DUSP22: variants seen among roughly 807,000 people sequenced by gnomAD.
The protein encoded by DUSP22 is dual specificity phosphatase 22.
DUSP22 carries 24 observed loss-of-function variants against 24.5 expected under a neutral mutation model. The observed-to-expected ratio is 0.98, with a 90% CI of 0.71 to 1.38. DUSP22 has a LOEUF of 1.38. Among genes scored for constraint, DUSP22 ranks in the 40% most tolerant of loss-of-function variants. The pLI, the probability that DUSP22 is intolerant of heterozygous loss-of-function variation, is 0.00. For synonymous variants in DUSP22, 160 were observed against 106.4 expected, an observed-to-expected ratio of 1.50 and a Z score of -3.10; for missense variants, 330 against 269.2, an observed-to-expected ratio of 1.23 and a Z score of -1.58.
intron 1 of DUSP22, among the ~76,000 whole-genome samples, chr6:297,758 A>G (rs1264417322): frequency 6.6e-6 from 1 of 152,304 alleles, no homozygotes; most frequent in Admixed American, 6.5e-5. Flanking sequence ...AAGGTGGAGT[A>G]GGGCTTACAG....
chr6:333,131 A>G (rs1437552276), intron 3 of DUSP22, among the ~76,000 whole-genome samples: 5 of 152,306 alleles, frequency 3.3e-5, no homozygotes, highest in African/African-American at 9.6e-5. Flanking sequence ...AGGTTTGAAG[A>G]TACTTTCAGT....
At chr6:301,205 C>G (rs866105458) in intron 1 of DUSP22, among the ~76,000 whole-genome samples, 127 of 152,302 alleles carry the variant, frequency 8.3e-4, no homozygotes, top group African/African-American at 3.0e-3. Flanking sequence ...GACTGGAAAA[C>G]CAATAAGATA....
chr6:307,328 C>T (rs1406608926), intron 2 of DUSP22, among the ~76,000 whole-genome samples: 1 of 152,276 alleles, frequency 6.6e-6, no homozygotes, highest in African/African-American at 2.4e-5. Flanking sequence ...CCACTTCTCT[C>T]CCTCCCTCCC....
intron 4 of DUSP22, among the ~76,000 whole-genome samples, chr6:341,790 CGG>C (rs1388773286): frequency 6.6e-6 from 1 of 152,418 alleles, no homozygotes; most frequent in East Asian, 1.9e-4. Flanking sequence ...AAAGAGCTAC[CGG>C]GGGGTGGTGG....
intron 4 of DUSP22, 99 bp from the exon 5 acceptor site, chr6:345,755 C>A (rs1379782918): frequency 7.0e-7 from 1 of 1,436,910 alleles, no homozygotes; most frequent in South Asian, 1.2e-5. Flanking sequence ...ACAAAAAAAT[C>A]AATTAACATT....
chr6:300,134 A>T (rs1757513938), intron 1 of DUSP22, among the ~76,000 whole-genome samples: 1 of 152,306 alleles, frequency 6.6e-6, no homozygotes, highest in Non-Finnish European at 1.5e-5. Context: ...AGTGGTTTTT[A>T]AAATTTAATT....
Position 348,085 on chromosome 6 carries a change from C to T in DUSP22, c.264-18C>T, listed in dbSNP as rs1477306877. ...ATCTGAAACTGCCCTCACACATGTG[C>T]TTCTCTTGGCCCCGCAGCCTGGCCG... On this transcript the variant is annotated intron_variant, in intron 5 of 6. Transcript: ENST00000419235. The T allele has an allele frequency of 1.2e-6, 2 of 1,613,628 alleles. No homozygotes were observed. The highest frequency in any genetic ancestry group is 1.3e-5 in the African/African-American group (1 of 75,086).
intron 3 of DUSP22, among the ~76,000 whole-genome samples, chr6:317,922 T>C (rs892122021): frequency 6.6e-6 from 1 of 152,290 alleles, no homozygotes; most frequent in Admixed American, 6.5e-5. Flanking sequence ...CTTTGGCCCC[T>C]TGTGGCTCAT....
chr6:303,274 TG>T (rs1454373044), intron 1 of DUSP22, among the ~76,000 whole-genome samples: 1 of 152,308 alleles, frequency 6.6e-6, no homozygotes, highest in Non-Finnish European at 1.5e-5. Flanking sequence ...AAGTATAGAC[TG>T]TTGTCTCGGA....
chr6:297,634 G>T (rs546352426), intron 1 of DUSP22, among the ~76,000 whole-genome samples: 1 of 152,298 alleles, frequency 6.6e-6, no homozygotes, highest in Admixed American at 6.5e-5. Flanking sequence ...TGTCCCTGAT[G>T]TTGGCAGATA....
At chr6:336,160 G>A (rs941833834) in intron 4 of DUSP22, among the ~76,000 whole-genome samples, 2 of 152,300 alleles carry the variant, frequency 1.3e-5, no homozygotes, top group Admixed American at 6.5e-5. Flanking sequence ...TGAAAGGCTG[G>A]GGCTGGAAGT....
chr6:321,327 A>G (rs1758579006), intron 3 of DUSP22, among the ~76,000 whole-genome samples: 1 of 152,306 alleles, frequency 6.6e-6, no homozygotes, highest in Non-Finnish European at 1.5e-5. Flanking sequence ...GTGGAGTCTG[A>G]ACTTCATCTT....
Position 349,948 on chromosome 6 carries a change from GCTC to G in DUSP22, c.*1004_*1006del, listed in dbSNP as rs1341357202. On this transcript the variant is annotated 3_prime_UTR_variant, in exon 7 of 7. Transcript: ENST00000419235. ...CTCTCGCTGTCCTCACTTTGCAGGG[GCTC>G]CTCCTCAACATTTGCATGCACCTGC... 4.1e-6 allele frequency: 4 copies of G among 985,700 alleles called. No individual in the cohort carries two copies. The highest frequency in any genetic ancestry group is 6.1e-5 in the Admixed American group (1 of 16,278). The allele number at this position is 985,700 out of a possible 1,614,324, so 61.1% of individuals were successfully genotyped here. A position where few individuals can be genotyped will look rare whatever the true frequency, so the allele number is the denominator to read the frequency against.
intron 3 of DUSP22, among the ~76,000 whole-genome samples, chr6:332,134 C>T (rs1300321633): frequency 1.3e-5 from 2 of 152,308 alleles, no homozygotes; most frequent in African/African-American, 4.8e-5. Flanking sequence ...TCAGTGAGTG[C>T]CTGCTGTGTG....
chr6:303,271 G>A (rs1561649067), intron 1 of DUSP22, among the ~76,000 whole-genome samples: 1 of 152,306 alleles, frequency 6.6e-6, no homozygotes, highest in Non-Finnish European at 1.5e-5. Flanking sequence ...ATAAAGTATA[G>A]ACTGTTGTCT....
At chr6:293,424 G>A (rs1470472152) in intron 1 of DUSP22, among the ~76,000 whole-genome samples, 9 of 152,404 alleles carry the variant, frequency 5.9e-5, no homozygotes, top group Admixed American at 3.9e-4. Flanking sequence ...TACAAAGCCC[G>A]CAACAAAGAC....
At chr6:322,326 A>ACAT (rs1435902681) in intron 3 of DUSP22, among the ~76,000 whole-genome samples, 2 of 152,306 alleles carry the variant, frequency 1.3e-5, no homozygotes, top group Non-Finnish European at 2.9e-5. Flanking sequence ...TGGGAGACAC[A>ACAT]CATCTTTGTT....
chr6:327,696 A>G (rs1418183667), intron 3 of DUSP22, among the ~76,000 whole-genome samples: 1 of 152,298 alleles, frequency 6.6e-6, no homozygotes, highest in Non-Finnish European at 1.5e-5. Flanking sequence ...GGGGAGGCCG[A>G]GGAGGTGAGG....
At chr6:321,763 C>T (rs1261990756) in intron 3 of DUSP22, among the ~76,000 whole-genome samples, 1 of 152,302 alleles carries the variant, frequency 6.6e-6, no homozygotes, top group Admixed American at 6.5e-5. Context: ...TGAGAAGTTA[C>T]AACAGCCATA....
Sources: allele counts gnomAD v4.1 joint callset (sites outside exome capture counted in the v4.1 genomes callset), GRCh38; gene constraint gnomAD v4.1.1; transcripts MANE v1.5; gene names NCBI Gene and HGNC (gene_info 2026-07-23, HGNC 2026-07-21).